The following TCF12 variants were observed in gnomAD, a reference collection of about 807,000 sequenced individuals.
TCF12 encodes transcription factor 12.
Under a neutral mutation model 86.0 loss-of-function variants are expected in TCF12, and 45 were observed. The observed-to-expected ratio is 0.52, with a 90% confidence interval of 0.41 to 0.67. The LOEUF is 0.67. Among genes scored for constraint, TCF12 ranks in the 30% least tolerant of loss-of-function variants. TCF12 has a pLI of 0.00. For missense variants in TCF12, 881 were observed against 859.9 expected (o/e 1.02, Z -0.31); for synonymous variants, 330 against 299.6 (o/e 1.10, Z -1.05).
At chr15:56,977,215 G>C (rs768200237) in intron 3 of TCF12, among the ~76,000 whole-genome samples, 2 of 152,086 alleles carry the variant, frequency 1.3e-5, no homozygotes, top group Non-Finnish European at 2.9e-5. Context: ...ACATATGGGG[G>C]AAAATTTTTT....
chr15:57,053,898 C>G (rs1297870782), intron 3 of TCF12, among the ~76,000 whole-genome samples: 2 of 152,128 alleles, frequency 1.3e-5, no homozygotes, highest in African/African-American at 4.8e-5. Context: ...ATCCTGTAAA[C>G]AAATGTTTGC....
intron 3 of TCF12, among the ~76,000 whole-genome samples, chr15:56,984,014 A>AAAAAAAAAAAAAAAAAAAAG (rs777234282): frequency 0.014 from 1,484 of 103,954 alleles, 100 homozygotes; most frequent in Middle Eastern, 0.028. Flanking sequence ...AAAAAAAAAA[A>AAAAAAAAAAAAAAAAAAAAG]AAGAAGAAGA....
intron 5 of TCF12, among the ~76,000 whole-genome samples, chr15:57,148,701 C>CAAA (rs61526953): frequency 0.17 from 20,539 of 124,030 alleles, 2,265 homozygotes; most frequent in Non-Finnish European, 0.22. Context: ...GGTGACGTGG[C>CAAA]AAAAAAAAAA....
At chr15:56,921,830 T>G (rs1395324158) in intron 3 of TCF12, among the ~76,000 whole-genome samples, 2 of 152,060 alleles carry the variant, frequency 1.3e-5, no homozygotes, top group African/African-American at 4.8e-5. Flanking sequence ...GAAAATAAGG[T>G]TAATTTCATA....
chr15:56,944,668 G>T (rs968104256), intron 3 of TCF12, among the ~76,000 whole-genome samples: 7 of 152,086 alleles, frequency 4.6e-5, no homozygotes, highest in Admixed American at 3.3e-4. Context: ...AGATATTTTC[G>T]TAGAATATTG....
intron 6 of TCF12, among the ~76,000 whole-genome samples, chr15:57,170,644 T>TATATATTATATAAAATATATATATATA (rs1567557208): frequency 2.3e-5 from 1 of 42,760 alleles, no homozygotes; most frequent in African/African-American, 1.2e-4. Flanking sequence ...ATATATATAA[T>TATATATTATATAAAATATATATATATA]ATATATATTA....
At chr15:57,203,091 C>T (rs953395325) in intron 8 of TCF12, among the ~76,000 whole-genome samples, 1 of 152,200 alleles carries the variant, frequency 6.6e-6, no homozygotes, top group Non-Finnish European at 1.5e-5. Flanking sequence ...ATGTGCCTGG[C>T]ACCTAATGAC....
chr15:57,178,223 C>G (rs1303890633), intron 6 of TCF12, among the ~76,000 whole-genome samples: 1 of 152,138 alleles, frequency 6.6e-6, no homozygotes, highest in African/African-American at 2.4e-5. Context: ...ATGTTGACAG[C>G]TGTCATAGCT....
At chr15:56,961,621 A>G (rs1401860819) in intron 3 of TCF12, among the ~76,000 whole-genome samples, 2 of 152,216 alleles carry the variant, frequency 1.3e-5, no homozygotes, top group African/African-American at 2.4e-5. Context: ...TACCATAGAT[A>G]ACTTTCCTCA....
chr15:57,165,774 G>C (rs927137211), intron 5 of TCF12, among the ~76,000 whole-genome samples: 1 of 151,996 alleles, frequency 6.6e-6, no homozygotes, highest in Admixed American at 6.6e-5. Flanking sequence ...CTTACCTCGT[G>C]ATCCGCCCGC....
At chr15:56,958,248 C>T (rs569958222) in intron 3 of TCF12, among the ~76,000 whole-genome samples, 340 of 152,320 alleles carry the variant, frequency 2.2e-3, no homozygotes, top group Middle Eastern at 6.8e-3. Context: ...TTTCCCCTTC[C>T]TGCACCCTGG....
At chr15:57,198,958 C>T (rs74714416) in intron 8 of TCF12, among the ~76,000 whole-genome samples, 4,765 of 152,224 alleles carry the variant, frequency 0.031, 119 homozygotes, top group South Asian at 0.1. Context: ...CCCCTGCCTT[C>T]TCTACCGTGT....
intron 6 of TCF12, among the ~76,000 whole-genome samples, chr15:57,182,258 A>G (rs1262143471): frequency 6.6e-6 from 1 of 152,174 alleles, no homozygotes; most frequent in Non-Finnish European, 1.5e-5. Flanking sequence ...AAAATAGTTG[A>G]TGTGTGTTTC....
intron 18 of TCF12, 77 bp from the exon 19 acceptor site, chr15:57,272,953 G>A (rs1334574539): frequency 9.0e-6 from 12 of 1,339,794 alleles, no homozygotes; most frequent in East Asian, 4.9e-5. Context: ...CCATCTTTAC[G>A]CTTTATAATT....
chr15:56,967,824 T>C (rs2062077195), intron 3 of TCF12, among the ~76,000 whole-genome samples: 1 of 152,198 alleles, frequency 6.6e-6, no homozygotes, highest in Non-Finnish European at 1.5e-5. Context: ...AACTTAAACA[T>C]AGTAACCATA....
At chr15:57,234,649 A>G (rs1239949198) in intron 12 of TCF12, among the ~76,000 whole-genome samples, 1 of 152,234 alleles carries the variant, frequency 6.6e-6, no homozygotes, top group East Asian at 1.9e-4. Flanking sequence ...CAACTAGTTC[A>G]CATACATCAC....
At chr15:57,064,814 G>A (rs2733183) in intron 4 of TCF12, among the ~76,000 whole-genome samples, 7,867 of 65,704 alleles carry the variant, frequency 0.12, 815 homozygotes, top group African/African-American at 0.3. Flanking sequence ...AAAAAAAAAA[G>A]AGAGAGAGAG....
chr15:57,138,929 G>C (rs2052755128), intron 5 of TCF12, among the ~76,000 whole-genome samples: 1 of 152,156 alleles, frequency 6.6e-6, no homozygotes. Context: ...AAAAATTTAA[G>C]TAAGTGAATA....
At chr15:57,270,037 G>A (rs1433000731) in intron 18 of TCF12, among the ~76,000 whole-genome samples, 1 of 152,100 alleles carries the variant, frequency 6.6e-6, no homozygotes, top group Non-Finnish European at 1.5e-5. Context: ...TATGTGTCTT[G>A]GAGTTGCTCA....
Sources: allele counts gnomAD v4.1 joint callset (sites outside exome capture counted in the v4.1 genomes callset), GRCh38; gene constraint gnomAD v4.1.1; transcripts MANE v1.5; gene names NCBI Gene and HGNC (gene_info 2026-07-23, HGNC 2026-07-21).